The following ARL13B variants were observed in gnomAD, a reference collection of about 807,000 sequenced individuals.
The protein encoded by ARL13B is ADP-ribosylation factor-like protein 13B.
Under a neutral mutation model 56.1 loss-of-function variants are expected in ARL13B, and 36 were observed. The observed-to-expected ratio is 0.64, with a 90% CI of 0.49 to 0.85. ARL13B has a LOEUF of 0.85. ARL13B is among the 40% of genes least tolerant of loss of function. The probability of loss-of-function intolerance (pLI) is 0.00; values close to 1 mark genes in which losing one functional copy is unlikely to be tolerated. For missense variants in ARL13B, 519 were observed against 507.1 expected (o/e 1.02, Z -0.23); for synonymous variants, 178 against 171.1 (o/e 1.04, Z -0.32).
chr3:93,980,320 T>G lies in ARL13B; in HGVS notation c.-104T>G. The G allele has an allele frequency of 6.8e-7, 1 of 1,466,698 alleles. No homozygotes were observed. Among genetic ancestry groups the G allele is most frequent in the Non-Finnish European group, 9.4e-7 (1 of 1,058,544 alleles). 90.9% of individuals were successfully genotyped at this position (1,466,698 alleles called of 1,614,324 possible). ...CCTCCCGGCTTTTCCTCCCGACTTA[T>G]CCACTTTAGGGGCGTCTCGGAGTGC... On this transcript the variant is annotated 5_prime_UTR_variant, in exon 1 of 10. Coordinates refer to ENST00000394222, the MANE Select transcript of ARL13B (RefSeq NM_001174150.2).
At chr3:93,996,659 T>C (rs780410353) in intron 2 of ARL13B, 5 of 432,826 alleles carry the variant, frequency 1.2e-5, no homozygotes, top group South Asian at 8.2e-5. Context: ...ATTACAGGCA[T>C]GAGCCACCAC....
intron 1 of ARL13B, among the ~76,000 whole-genome samples, chr3:93,994,788 A>C (rs1310566142): frequency 6.0e-5 from 9 of 151,056 alleles, no homozygotes; most frequent in Non-Finnish European, 7.4e-5. Context: ...TGGCCCCTTC[A>C]AGTACACCTG....
chr3:94,030,392 CA>C (rs1368578631), intron 3 of ARL13B, among the ~76,000 whole-genome samples: 15 of 102,892 alleles, frequency 1.5e-4, no homozygotes, highest in Admixed American at 4.9e-4. Flanking sequence ...ACGCCTGGCT[CA>C]TTTTTTTTTT....
chr3:94,012,569 T>C (rs1273713363), intron 3 of ARL13B, among the ~76,000 whole-genome samples: 1 of 152,188 alleles, frequency 6.6e-6, no homozygotes, highest in Non-Finnish European at 1.5e-5. Context: ...ATGTGCAGTT[T>C]CTGTGACCTG....
chr3:93,993,123 T>G (rs1169302380), intron 1 of ARL13B, among the ~76,000 whole-genome samples: 1 of 151,036 alleles, frequency 6.6e-6, no homozygotes, highest in Non-Finnish European at 1.5e-5. Flanking sequence ...TTTATTTTAT[T>G]TATTATTTTA....
chr3:93,983,993 A>G (rs530302977), intron 1 of ARL13B, among the ~76,000 whole-genome samples: 1 of 152,302 alleles, frequency 6.6e-6, no homozygotes, highest in African/African-American at 2.4e-5. Context: ...ATAGTCAGTT[A>G]CCACATATTT....
At chr3:94,037,407 C>G (rs894916581) in intron 5 of ARL13B, among the ~76,000 whole-genome samples, 1 of 152,134 alleles carries the variant, frequency 6.6e-6, no homozygotes. Context: ...TTATGAGGTA[C>G]TTCCTTATAC....
chr3:94,014,575 A>T (rs750724914), intron 3 of ARL13B: 1 of 1,611,932 alleles, frequency 6.2e-7, no homozygotes, highest in South Asian at 1.1e-5. Flanking sequence ...CTGAATGAAA[A>T]GATCCCTTAA....
chr3:94,000,262 T>G (rs2076031970), intron 2 of ARL13B, among the ~76,000 whole-genome samples: 1 of 152,178 alleles, frequency 6.6e-6, no homozygotes, highest in African/African-American at 2.4e-5. Flanking sequence ...GCAGATACCA[T>G]ACATGTATCA....
At chr3:93,986,307 A>T (rs1330455511) in intron 1 of ARL13B, among the ~76,000 whole-genome samples, 1 of 152,192 alleles carries the variant, frequency 6.6e-6, no homozygotes, top group Non-Finnish European at 1.5e-5. Flanking sequence ...CTCACTATTT[A>T]TTCATACTCA....
chr3:93,995,837 A>G (rs2075956736), intron 1 of ARL13B, 37 bp from the exon 2 acceptor site: 2 of 1,556,646 alleles, frequency 1.3e-6, no homozygotes, highest in Non-Finnish European at 1.8e-6. Flanking sequence ...TACTAAATTA[A>G]CAAAGAAAGT....
At position 94,050,872 on chromosome 3, in the gene ARL13B, T is replaced by G. The variant is rs1180221965; in HGVS notation, c.1190T>G (p.Leu397Arg). 6.8e-6 allele frequency: 11 copies of G among 1,613,204 alleles called. No homozygotes were observed. Among genetic ancestry groups the G allele is most frequent in the Non-Finnish European group, 9.3e-6 (11 of 1,179,752 alleles). ...KVTRLPKLEP[L>R]GETHHNDFYR... Reference sequence around the variant, plus strand: ...ACTAGACTTCCAAAACTTGAGCCTCTTGGTGAAACACATCATAATGGTAAT... The same window carrying G: ...ACTAGACTTCCAAAACTTGAGCCTCGTGGTGAAACACATCATAATGGTAAT... Residue 397 changes from leucine (L) to arginine (R), a missense_variant, in exon 9 of 10, where the codon CTT becomes CGT. Leu to Arg is a moderately radical substitution (Grantham distance 102). Transcript: ENST00000394222.
intron 6 of ARL13B, among the ~76,000 whole-genome samples, chr3:94,040,547 C>T (rs1044119960): frequency 4.0e-5 from 6 of 151,840 alleles, no homozygotes; most frequent in African/African-American, 1.2e-4. Flanking sequence ...TGTGTGTGTG[C>T]GCGTCTGTGT....
intron 3 of ARL13B, among the ~76,000 whole-genome samples, chr3:94,033,886 A>G (rs1433602990): frequency 6.6e-6 from 1 of 152,226 alleles, no homozygotes; most frequent in Non-Finnish European, 1.5e-5. Context: ...TAAGTTTATA[A>G]GGAAGATATT....
chr3:94,000,774 A>T (rs1278375628), intron 2 of ARL13B, among the ~76,000 whole-genome samples: 1 of 152,084 alleles, frequency 6.6e-6, no homozygotes, highest in African/African-American at 2.4e-5. Flanking sequence ...TATTGATTGT[A>T]TATTTGCATT....
Position 94,053,955 on chromosome 3 carries a change from C to T in ARL13B, c.*692C>T, listed in dbSNP as rs1327729418. On this transcript the variant is annotated 3_prime_UTR_variant, in exon 10 of 10. Transcript: ENST00000394222. ...TTTTCGAAGTAGTAGATTCTCAGATCTTTATTCTAACAATTACATGATTTG... is the reference window on the plus strand; with the variant it reads ...TTTTCGAAGTAGTAGATTCTCAGATTTTTATTCTAACAATTACATGATTTG... The T allele has an allele frequency of 2.9e-6, 1 of 339,430 alleles. No individual in the cohort carries two copies. The highest frequency in any genetic ancestry group is 2.4e-5 in the South Asian group (1 of 41,732). The allele number at this position is 339,430 out of a possible 1,614,324, so 21.0% of individuals were successfully genotyped here.
chr3:94,027,067 G>T (rs1291586583), intron 3 of ARL13B, among the ~76,000 whole-genome samples: 2 of 152,010 alleles, frequency 1.3e-5, no homozygotes, highest in Non-Finnish European at 2.9e-5. Flanking sequence ...TGTATTTATA[G>T]ATTTTTTTAA....
At chr3:93,992,664 C>G (rs1212758377) in intron 1 of ARL13B, among the ~76,000 whole-genome samples, 2 of 152,170 alleles carry the variant, frequency 1.3e-5, no homozygotes, top group African/African-American at 4.8e-5. Context: ...ATGTTTAAAG[C>G]ACTGTAGATC....
At position 94,029,352 on chromosome 3, in the gene ARL13B, T is replaced by TTTTA. The variant is rs1553842162; in HGVS notation, c.381-5976_381-5975insATTT. 6.8e-4 allele frequency among the ~76,000 whole-genome samples: 78 copies of TTTTA among 114,064 alleles called. 2 individuals are homozygous for TTTTA. Among genetic ancestry groups the TTTTA allele is most frequent in the African/African-American group, 2.7e-3 (65 of 23,886 alleles). The allele number at this position is 114,064 out of a possible 152,430, so 74.8% of individuals were successfully genotyped here. A position where few individuals can be genotyped will look rare whatever the true frequency, so the allele number is the denominator to read the frequency against. On this transcript the variant is annotated intron_variant, in intron 3 of 9. Transcript: ENST00000394222. ...TATATATATTTATTTTTTTTTTATTTTTTTTTTTTTTTGAGAAGGAGTCTT... is the reference window on the plus strand; with the variant it reads ...TATATATATTTATTTTTTTTTTATTTTTTATTTTTTTTTTTTGAGAAGGAGTCTT...
Sources: gnomAD v4.1 joint callset for allele counts (sites outside exome capture counted in the v4.1 genomes callset) on GRCh38, gnomAD v4.1.1 for gene constraint, MANE v1.5 for transcripts, NCBI Gene and HGNC (gene_info 2026-07-23, HGNC 2026-07-21) for gene names.